Variants in SPIRE1 observed in about 807,000 individuals in gnomAD.
The protein encoded by SPIRE1 is spire type actin nucleation factor 1, also known as protein spire homolog 1.
Under a neutral mutation model 94.1 loss-of-function variants are expected in SPIRE1, and 40 were observed. That is an observed-to-expected ratio of 0.43 (90% CI 0.33 to 0.55). The LOEUF is 0.55. SPIRE1 is among the 20% of genes least tolerant of loss of function. SPIRE1 has a pLI of 0.06. For synonymous variants in SPIRE1, 376 were observed against 371.7 expected, an observed-to-expected ratio of 1.01 and a Z score of -0.13; for missense variants, 838 against 975.2, an observed-to-expected ratio of 0.86 and a Z score of 1.87.
At chr18:12,453,972 A>G (rs2031377386) in intron 13 of SPIRE1, among the ~76,000 whole-genome samples, 1 of 151,918 alleles carries the variant, frequency 6.6e-6, no homozygotes, top group Non-Finnish European at 1.5e-5. Flanking sequence ...TTTAGTAGAG[A>G]CAGGGTTTCA....
At chr18:12,641,281 T>C (rs2038075509) in intron 1 of SPIRE1, among the ~76,000 whole-genome samples, 1 of 151,838 alleles carries the variant, frequency 6.6e-6, no homozygotes, top group African/African-American at 2.4e-5. Flanking sequence ...GTATTATTAC[T>C]AGGAAAAAAA....
intron 2 of SPIRE1, among the ~76,000 whole-genome samples, chr18:12,551,703 GA>G (rs879826405): frequency 1.3e-3 from 185 of 140,302 alleles, no homozygotes; most frequent in Admixed American, 1.4e-3. Flanking sequence ...CTCCGTCTCA[GA>G]AAAAAAAAAA....
At position 12,540,556 on chromosome 18, in the gene SPIRE1, A is replaced by C. The variant is rs531774707; in HGVS notation, c.604-4955T>G. Among the ~76,000 whole-genome samples the C allele has an allele frequency of 7.6e-4, 116 of 152,186 alleles. 1 individual carries two copies. The highest frequency in any genetic ancestry group is 2.5e-3 in the African/African-American group (103 of 41,532). On this transcript the variant is annotated intron_variant, in intron 3 of 16. Transcript: ENST00000409402. ...ATGCCCGGCTATTTTTTGTATTTTT[A>C]GTAGAGACGGAGTTTCACCATGTTG...
In SPIRE1 at chr18:12,493,203, T is replaced by C; in HGVS notation, c.1060-2A>G. On this transcript the variant is annotated splice_acceptor_variant, in intron 7 of 16. Coordinates refer to ENST00000409402, the MANE Select transcript of SPIRE1 (RefSeq NM_001128626.2). LOFTEE classifies it high-confidence loss of function. ...TGGTTTCAGTTTTCTGGCTGAGACCTTGAAAGTAAGAAAAATGGCTAAAGA... is the reference window on the plus strand; with the variant it reads ...TGGTTTCAGTTTTCTGGCTGAGACCCTGAAAGTAAGAAAAATGGCTAAAGA... The C allele has an allele frequency of 6.2e-7, 1 of 1,607,832 alleles. No individual in the cohort carries two copies. The highest frequency in any genetic ancestry group is 8.5e-7 in the Non-Finnish European group (1 of 1,178,594).
At chr18:12,531,492 T>A (rs562770839) in intron 4 of SPIRE1, among the ~76,000 whole-genome samples, 3 of 152,182 alleles carry the variant, frequency 2.0e-5, no homozygotes, top group Non-Finnish European at 4.4e-5. Context: ...ATAACTTCTA[T>A]GTAGTGGAAC....
intron 2 of SPIRE1, among the ~76,000 whole-genome samples, chr18:12,553,304 G>C (rs1399136153): frequency 6.6e-6 from 1 of 152,178 alleles, no homozygotes; most frequent in Non-Finnish European, 1.5e-5. Context: ...CTTGGCTCTA[G>C]GACAGCATTT....
intron 1 of SPIRE1, among the ~76,000 whole-genome samples, chr18:12,656,381 C>T (rs1345108986): frequency 6.6e-6 from 1 of 151,972 alleles, no homozygotes; most frequent in African/African-American, 2.4e-5. Flanking sequence ...AATAAAAAAT[C>T]GTTTACCTGA....
intron 4 of SPIRE1, among the ~76,000 whole-genome samples, chr18:12,519,623 CAAAT>C (rs1454476001): frequency 1.3e-5 from 2 of 151,952 alleles, no homozygotes; most frequent in Non-Finnish European, 2.9e-5. Flanking sequence ...TAAATAAAGA[CAAAT>C]TAATAAGACC....
chr18:12,654,092 T>G (rs1388282976), intron 1 of SPIRE1, among the ~76,000 whole-genome samples: 1 of 152,058 alleles, frequency 6.6e-6, no homozygotes. Flanking sequence ...ATCCCAGCAC[T>G]GTGGGAGGCT....
chr18:12,565,158 A>G (rs1598477339), intron 2 of SPIRE1, among the ~76,000 whole-genome samples: 1 of 152,344 alleles, frequency 6.6e-6, no homozygotes, highest in Non-Finnish European at 1.5e-5. Context: ...TCCAAGATAC[A>G]GCAAAAATTC....
At chr18:12,629,021 C>T (rs2037707082) in intron 2 of SPIRE1, among the ~76,000 whole-genome samples, 1 of 152,124 alleles carries the variant, frequency 6.6e-6, no homozygotes, top group Non-Finnish European at 1.5e-5. Flanking sequence ...TTCTATGGTA[C>T]AATTTTTACA....
Position 12,449,515 on chromosome 18 carries a change from A to T in SPIRE1, c.*123T>A. 1 of 1,038,196 alleles carries T rather than the reference A, an allele frequency of 9.6e-7. No individual in the cohort carries two copies. 64.3% of individuals were successfully genotyped at this position (1,038,196 alleles called of 1,614,324 possible). On this transcript the variant is annotated 3_prime_UTR_variant, in exon 17 of 17. Coordinates refer to ENST00000409402, the MANE Select transcript of SPIRE1 (RefSeq NM_001128626.2). ...CTGTGGAACAATGTGATGCGGCAAA[A>T]ATCTGATCTAATGCAAATTCAAGCC...
chr18:12,545,424 A>T (rs1016940015), intron 3 of SPIRE1, among the ~76,000 whole-genome samples: 1 of 152,242 alleles, frequency 6.6e-6, no homozygotes, highest in African/African-American at 2.4e-5. Context: ...AGCACACCTG[A>T]AAACTACCAC....
chr18:12,512,782 T>C (rs887763273), intron 4 of SPIRE1, among the ~76,000 whole-genome samples: 151 of 151,582 alleles, frequency 1.0e-3, no homozygotes, highest in African/African-American at 3.3e-3. Flanking sequence ...TTTCTTTTTT[T>C]TTTTTTTTTT....
chr18:12,637,218 G>A (rs996050175), intron 1 of SPIRE1, among the ~76,000 whole-genome samples: 1 of 152,112 alleles, frequency 6.6e-6, no homozygotes, highest in Admixed American at 6.6e-5. Flanking sequence ...CATTAGCCGG[G>A]TGTGGTGGCA....
At chr18:12,624,538 G>A (rs1598549885) in intron 2 of SPIRE1, among the ~76,000 whole-genome samples, 3 of 103,266 alleles carry the variant, frequency 2.9e-5, no homozygotes, top group Non-Finnish European at 1.9e-5. Flanking sequence ...GCAAGACACT[G>A]ACTCAAAAAA....
chr18:12,585,454 C>A (rs934198910), intron 2 of SPIRE1, among the ~76,000 whole-genome samples: 3 of 152,104 alleles, frequency 2.0e-5, no homozygotes, highest in African/African-American at 7.2e-5. Flanking sequence ...AAATCAGCTG[C>A]CTATAGTCAC....
chr18:12,620,949 T>C (rs752513335), intron 2 of SPIRE1, among the ~76,000 whole-genome samples: 4 of 152,024 alleles, frequency 2.6e-5, no homozygotes, highest in Non-Finnish European at 5.9e-5. Flanking sequence ...TACAATTCAA[T>C]AATAAAAAGA....
intron 6 of SPIRE1, among the ~76,000 whole-genome samples, chr18:12,500,611 G>T (rs1320799909): frequency 6.6e-6 from 1 of 152,048 alleles, no homozygotes; most frequent in Non-Finnish European, 1.5e-5. Context: ...CCACTCCCAG[G>T]TATATACCCC....
Sources: gnomAD v4.1 joint callset for allele counts (sites outside exome capture counted in the v4.1 genomes callset) on GRCh38, gnomAD v4.1.1 for gene constraint, MANE v1.5 for transcripts, NCBI Gene and HGNC (gene_info 2026-07-23, HGNC 2026-07-21) for gene names.